COG7: variants seen among roughly 807,000 people sequenced by gnomAD.
The protein encoded by COG7 is conserved oligomeric Golgi complex subunit 7.
Under a neutral mutation model 91.5 loss-of-function variants are expected in COG7, and 49 were observed. That is an observed-to-expected ratio of 0.54 (90% CI 0.43 to 0.68). COG7 has a LOEUF of 0.68. COG7 is among the 30% of genes least tolerant of loss of function. The probability of loss-of-function intolerance (pLI) is 0.00; values close to 1 mark genes in which losing one functional copy is unlikely to be tolerated. For synonymous variants in COG7, 365 were observed against 388.7 expected (o/e 0.94, Z 0.72); for missense variants, 895 against 961.3 (o/e 0.93, Z 0.91).
chr16:23,407,675 G>T (rs570406280), intron 11 of COG7, among the ~76,000 whole-genome samples: 26 of 152,308 alleles, frequency 1.7e-4, no homozygotes, highest in African/African-American at 6.3e-4. Flanking sequence ...ACAAAACACG[G>T]ACTGTTCTTC....
intron 7 of COG7, among the ~76,000 whole-genome samples, chr16:23,421,850 C>CAAAAAAA (rs369425955): frequency 2.1e-5 from 1 of 47,630 alleles, no homozygotes; most frequent in African/African-American, 7.8e-5. Context: ...GACTCCATCT[C>CAAAAAAA]AAAAAAAAAA....
At chr16:23,398,177 C>T (rs1400070343) in intron 13 of COG7, 48 bp from the exon 14 acceptor site, 1 of 1,479,832 alleles carries the variant, frequency 6.8e-7, no homozygotes, top group Admixed American at 1.7e-5. Context: ...AGCCAGGCAG[C>T]TGTGAAGACG....
At chr16:23,415,153 G>A (rs1963632622) in intron 9 of COG7, 1 of 152,240 alleles carries the variant, frequency 6.6e-6, no homozygotes, top group East Asian at 1.9e-4. Flanking sequence ...CAAGAGAGGT[G>A]ACAGCTTTCT....
intron 14 of COG7, 96 bp downstream of exon 14, chr16:23,397,950 G>T: frequency 9.5e-7 from 1 of 1,057,426 alleles, no homozygotes; most frequent in Non-Finnish European, 1.5e-6. Context: ...GGGTCAGATA[G>T]CACCCATGGG....
In COG7 at chr16:23,417,046, C is replaced by G; in HGVS notation, c.1213G>C (p.Ala405Pro). The change falls in exon 9 of 17, where the codon GCC becomes CCC. Residue 405 changes from alanine (A) to proline (P), a missense_variant. Ala to Pro is a conservative substitution (Grantham distance 27, BLOSUM62 -1). Transcript: ENST00000307149. ...GTGAATCTGACGCATCTGTCAACGG[C>G]TGCAGACGCCAGACCAAACAGCTTG... ...VNKLFGLASAAVDRCVRFTNG... is the reference protein window; with the variant it reads ...VNKLFGLASAPVDRCVRFTNG... 6.2e-7 allele frequency: 1 copy of G among 1,614,232 alleles called. No homozygotes were observed. The highest frequency in any genetic ancestry group is 8.5e-7 in the Non-Finnish European group (1 of 1,180,036).
At chr16:23,425,281 G>A (rs1963828468) in intron 6 of COG7, among the ~76,000 whole-genome samples, 1 of 152,114 alleles carries the variant, frequency 6.6e-6, no homozygotes, top group South Asian at 2.1e-4. Context: ...CTGCACTCTA[G>A]CCTGGGTGAC....
rs570393919 is a variant in COG7, at chr16:23,453,091, C to A, written c.-97G>T. 6 of 1,573,924 alleles carry A rather than the reference C, an allele frequency of 3.8e-6. No individual in the cohort carries two copies. The South Asian group carries it at 4.6e-5, about 12-fold the overall frequency. ...GAGCGAGCCTGCGAGAGCACCGAGG[C>A]TAGCCTCCGAGGCGAACCCCAGAAA... On this transcript the variant is annotated 5_prime_UTR_variant, in exon 1 of 17. Coordinates refer to ENST00000307149, the MANE Select transcript of COG7 (RefSeq NM_153603.4).
intron 6 of COG7, among the ~76,000 whole-genome samples, chr16:23,431,053 A>T (rs1182402811): frequency 6.6e-6 from 1 of 152,108 alleles, no homozygotes; most frequent in Non-Finnish European, 1.5e-5. Context: ...AATTTTAAAA[A>T]ATAAGATGGA....
chr16:23,434,474 A>G (rs1963983031), intron 5 of COG7, among the ~76,000 whole-genome samples, 162 bp downstream of exon 5: 1 of 152,240 alleles, frequency 6.6e-6, no homozygotes, highest in South Asian at 2.1e-4. Flanking sequence ...ACAAATCCAT[A>G]TGCTAGACCA....
intron 13 of COG7, among the ~76,000 whole-genome samples, chr16:23,400,265 G>C (rs985679351): frequency 2.6e-5 from 4 of 152,120 alleles, no homozygotes; most frequent in African/African-American, 9.7e-5. Flanking sequence ...AAATTGGGGT[G>C]GGGGGCAGAT....
rs768704539 is a variant in COG7 at position 23,424,790 on chromosome 16, T to C, written c.968A>G (p.His323Arg). The change falls in exon 7 of 17, where the codon CAC becomes CGC. Residue 323 changes from histidine to arginine, a missense_variant. His to Arg is a conservative substitution (Grantham distance 29). Transcript: ENST00000307149. ...TGCCATCTCCAAGCCCTTGGCGAAG[T>C]GGGCGGTGGCGTCGTAGAACTCCAG... ...RLLEFYDATA[H>R]FAKGLEMALL... is the part of the protein sequence containing the mutation. 4 of 1,614,092 alleles carry C rather than the reference T, an allele frequency of 2.5e-6. No individual in the cohort carries two copies. Among genetic ancestry groups the C allele is most frequent in the Admixed American group, 3.3e-5 (2 of 60,006 alleles).
In COG7 at chr16:23,452,936, G is replaced by C; in HGVS notation, c.59C>G (p.Ala20Gly). The C allele has an allele frequency of 1.2e-6, 2 of 1,614,102 alleles. No individual in the cohort carries two copies. Among genetic ancestry groups the C allele is most frequent in the Non-Finnish European group, 1.7e-6 (2 of 1,179,996 alleles). Residue 20 changes from alanine to glycine, a missense_variant, in exon 1 of 17, where the codon GCC (alanine) becomes GGC (glycine). Coordinates refer to ENST00000307149, the MANE Select transcript of COG7 (RefSeq NM_153603.4). Reference protein sequence around the residue: ...DFDVKEWINAAFRAGSKEAAS... With the variant: ...DFDVKEWINAGFRAGSKEAAS... ...CGCCTCCTTGGAGCCGGCCCTGAAG[G>C]CCGCATTGATCCACTCCTTCACGTC...
At position 23,417,420 on chromosome 16, in the gene COG7, C is replaced by T. The variant is rs1001175112; in HGVS notation, c.1138-299G>A. The T allele has an allele frequency of 9.5e-6, 4 of 419,132 alleles. No homozygotes were observed. In the Admixed American group the frequency reaches 1.1e-4, roughly 11 times the overall value. 26.0% of individuals were successfully genotyped at this position (419,132 alleles called of 1,614,324 possible). A position where few individuals can be genotyped will look rare whatever the true frequency, so the allele number is the denominator to read the frequency against. On this transcript the variant is annotated intron_variant, in intron 8 of 16. Transcript: ENST00000307149. ...GTGATTATTAAGATGGCATCTCTTC[C>T]TCTGGCTCTCGAGCTACGATTCAAA...
intron 1 of COG7, 94 bp downstream of exon 1, chr16:23,452,732 G>T: frequency 2.0e-6 from 3 of 1,517,564 alleles, no homozygotes; most frequent in Non-Finnish European, 2.6e-6. Flanking sequence ...GTCCATGCGT[G>T]CCCCGCCCAC....
At position 23,409,088 on chromosome 16, in the gene COG7, T is replaced by TGTGTGTGTGTGTGTGTGCGCGC. The variant is rs567307217; in HGVS notation, c.1475+1206_1475+1207insGCGCGCACACACACACACACAC. ...GCGTGTGTGTGTGTGTGTGTGTGTG[T>TGTGTGTGTGTGTGTGTGCGCGC]GCGTGCATGTGTGTGTGTGTGTGTG... On this transcript the variant is annotated intron_variant, in intron 11 of 16. Coordinates refer to ENST00000307149, the MANE Select transcript of COG7 (RefSeq NM_153603.4). Among the ~76,000 whole-genome samples, 1,448 of 147,806 alleles carry TGTGTGTGTGTGTGTGTGCGCGC rather than the reference T, an allele frequency of 9.8e-3. 17 individuals are homozygous for TGTGTGTGTGTGTGTGTGCGCGC. Among genetic ancestry groups the TGTGTGTGTGTGTGTGTGCGCGC allele is most frequent in the African/African-American group, 0.034 (1,344 of 39,458 alleles).
intron 13 of COG7, 87 bp downstream of exon 13, chr16:23,403,607 G>A (rs1244391452): frequency 5.2e-6 from 8 of 1,539,620 alleles, no homozygotes. Context: ...CAAAGCTCTT[G>A]GAACAGGGAG....
chr16:23,439,637 T>C (rs998343897), intron 4 of COG7, among the ~76,000 whole-genome samples: 9 of 152,156 alleles, frequency 5.9e-5, no homozygotes, highest in African/African-American at 1.9e-4. Flanking sequence ...AGGAGGCATG[T>C]AGAGTAGTCA....
intron 3 of COG7, among the ~76,000 whole-genome samples, chr16:23,443,666 T>C (rs902153791): frequency 1.3e-5 from 2 of 151,980 alleles, no homozygotes; most frequent in African/African-American, 2.4e-5. Flanking sequence ...GACTCCGGCC[T>C]GGGCAACAGA....
intron 16 of COG7, among the ~76,000 whole-genome samples, chr16:23,391,554 A>G (rs1314652623): frequency 2.0e-5 from 3 of 152,244 alleles, no homozygotes; most frequent in Non-Finnish European, 4.4e-5. Context: ...TTCTTCTGCA[A>G]AACAAGAGCC....
Sources: gnomAD v4.1 joint callset for allele counts (sites outside exome capture counted in the v4.1 genomes callset) on GRCh38, gnomAD v4.1.1 for gene constraint, MANE v1.5 for transcripts, NCBI Gene and HGNC (gene_info 2026-07-23, HGNC 2026-07-21) for gene names.